Variants in RAB27B observed in about 807,000 individuals in gnomAD.
RAB27B encodes the protein RAB27B, member RAS oncogene family.
A neutral mutation model predicts 24.6 loss-of-function variants in RAB27B; 15 were observed. That is an observed-to-expected ratio of 0.61 (90% CI 0.41 to 0.94). The LOEUF is 0.94. RAB27B is among the 40% of genes least tolerant of loss of function. RAB27B has a pLI of 0.00. For synonymous variants in RAB27B, 105 were observed against 92.5 expected, an observed-to-expected ratio of 1.14 and a Z score of -0.78; for missense variants, 261 against 266.8, an observed-to-expected ratio of 0.98 and a Z score of 0.15.
intron 2 of RAB27B, among the ~76,000 whole-genome samples, chr18:54,779,379 A>G (rs1598898016): frequency 6.6e-6 from 1 of 152,310 alleles, no homozygotes; most frequent in East Asian, 1.9e-4. Flanking sequence ...TGGAAAAAAT[A>G]CGAAGTCACT....
At chr18:54,809,507 C>A (rs1010809840) in intron 2 of RAB27B, among the ~76,000 whole-genome samples, 1 of 152,126 alleles carries the variant, frequency 6.6e-6, no homozygotes. Context: ...GACTAGGTCA[C>A]CTAAGTTGCA....
chr18:54,762,493 C>G (rs1006657934), intron 2 of RAB27B, among the ~76,000 whole-genome samples: 1 of 152,158 alleles, frequency 6.6e-6, no homozygotes, highest in African/African-American at 2.4e-5. Flanking sequence ...AACTTTATTT[C>G]CTCCTACTCC....
At chr18:54,758,577 T>G (rs1486267866) in intron 2 of RAB27B, among the ~76,000 whole-genome samples, 2 of 151,424 alleles carry the variant, frequency 1.3e-5, no homozygotes, top group African/African-American at 4.9e-5. Context: ...TTTTAAAGGT[T>G]GTGCAGTTGG....
chr18:54,813,368 C>A (rs898836940), intron 2 of RAB27B, among the ~76,000 whole-genome samples: 1 of 152,202 alleles, frequency 6.6e-6, no homozygotes, highest in African/African-American at 2.4e-5. Flanking sequence ...TTGTCCCCTC[C>A]AAATCTCATG....
At chr18:54,732,780 C>G (rs1475227339) in intron 2 of RAB27B, among the ~76,000 whole-genome samples, 1 of 152,104 alleles carries the variant, frequency 6.6e-6, no homozygotes, top group Non-Finnish European at 1.5e-5. Context: ...TTCTGTTCCA[C>G]CAGACAAAAG....
intron 1 of RAB27B, among the ~76,000 whole-genome samples, chr18:54,867,345 T>C (rs1202969567): frequency 1.3e-5 from 2 of 152,070 alleles, no homozygotes; most frequent in Non-Finnish European, 2.9e-5. Flanking sequence ...AGAGTGGTAC[T>C]GAACAATAGC....
chr18:54,812,112 G>T (rs547255728), intron 2 of RAB27B, among the ~76,000 whole-genome samples: 1 of 152,114 alleles, frequency 6.6e-6, no homozygotes, highest in Non-Finnish European at 1.5e-5. Flanking sequence ...TCTTGCTATT[G>T]TCTTTATGAA....
chr18:54,792,194 T>G (rs1185907843), intron 2 of RAB27B, among the ~76,000 whole-genome samples: 1 of 152,166 alleles, frequency 6.6e-6, no homozygotes, highest in East Asian at 1.9e-4. Context: ...CATTCACCCC[T>G]AGGCACTGCC....
chr18:54,757,311 T>A (rs1908036663), intron 2 of RAB27B, among the ~76,000 whole-genome samples: 1 of 152,192 alleles, frequency 6.6e-6, no homozygotes, highest in South Asian at 2.1e-4. Flanking sequence ...AAATTTGAGC[T>A]CTTGAGGGCT....
intron 1 of RAB27B, among the ~76,000 whole-genome samples, chr18:54,844,532 G>A (rs1171647401): frequency 3.3e-5 from 5 of 149,782 alleles, no homozygotes; most frequent in African/African-American, 7.4e-5. Context: ...TCACCCTCCC[G>A]AGTAGCTGGG....
chr18:54,848,340 A>C (rs910451171), intron 1 of RAB27B, among the ~76,000 whole-genome samples: 3 of 152,212 alleles, frequency 2.0e-5, no homozygotes, highest in African/African-American at 7.2e-5. Context: ...TTTTTGCACT[A>C]TAGAGATTTT....
intron 2 of RAB27B, among the ~76,000 whole-genome samples, chr18:54,795,958 CAT>C (rs1464109275): frequency 4.6e-5 from 7 of 152,106 alleles, no homozygotes; most frequent in African/African-American, 1.7e-4. Flanking sequence ...AGTATTGAAA[CAT>C]GTATACACCC....
At chr18:54,744,111 G>T (rs7238382) in intron 2 of RAB27B, among the ~76,000 whole-genome samples, 8,499 of 152,188 alleles carry the variant, frequency 0.056, 299 homozygotes, top group Admixed American at 0.085. Flanking sequence ...AATGTTATAT[G>T]AAGAAGATAG....
rs1197970568 is a variant in RAB27B, at chr18:54,890,133, T to C, written c.*720T>C. 2.0e-5 allele frequency: 3 copies of C among 152,048 alleles called. No homozygotes were observed. Among genetic ancestry groups the C allele is most frequent in the Non-Finnish European group, 2.9e-5 (2 of 67,978 alleles). The allele number at this position is 152,048 out of a possible 1,614,324, so 9.4% of individuals were successfully genotyped here. ...GGAAAAAAAATGAAAGTATGAGAAA[T>C]TGGCATTTCTACAGCTGAAATTCAA... On this transcript the variant is annotated 3_prime_UTR_variant, in exon 6 of 6. Coordinates refer to ENST00000262094, the MANE Select transcript of RAB27B (RefSeq NM_004163.4).
chr18:54,868,646 G>A (rs1009252312), intron 1 of RAB27B, among the ~76,000 whole-genome samples: 8 of 151,422 alleles, frequency 5.3e-5, no homozygotes, highest in South Asian at 2.1e-4. Context: ...TTTTTGAGAC[G>A]GAGTTTCTGT....
chr18:54,754,923 A>C (rs1310127463), intron 2 of RAB27B, among the ~76,000 whole-genome samples: 1 of 152,162 alleles, frequency 6.6e-6, no homozygotes, highest in Non-Finnish European at 1.5e-5. Flanking sequence ...TTGATTTTAA[A>C]ATGGTGTCAA....
rs184486105 is a variant in RAB27B, at chr18:54,838,880, T to C, written c.-20+10180T>C. On this transcript the variant is annotated intron_variant, in intron 1 of 5. Transcript: ENST00000262094. ...CTTCTATGTTATCTCCATCTGTAAA[T>C]TGATCAACCTTTCACATTATTTTGG... Among the ~76,000 whole-genome samples, 3 of 152,298 alleles carry C rather than the reference T, an allele frequency of 2.0e-5. No individual in the cohort carries two copies. In the East Asian group the frequency reaches 5.8e-4, roughly 29 times the overall value.
At chr18:54,771,334 T>C (rs755144328) in intron 2 of RAB27B, among the ~76,000 whole-genome samples, 15 of 152,156 alleles carry the variant, frequency 9.9e-5, no homozygotes, top group Non-Finnish European at 1.5e-4. Context: ...AGAACTTGTG[T>C]GGAAGTTGAA....
intron 2 of RAB27B, among the ~76,000 whole-genome samples, chr18:54,724,083 A>G (rs1219399922): frequency 6.9e-6 from 1 of 144,224 alleles, no homozygotes; most frequent in African/African-American, 2.5e-5. Flanking sequence ...AGTGGTGAGG[A>G]GTATCACGTG....
Sources: gnomAD v4.1 joint callset for allele counts (sites outside exome capture counted in the v4.1 genomes callset) on GRCh38, gnomAD v4.1.1 for gene constraint, MANE v1.5 for transcripts, NCBI Gene and HGNC (gene_info 2026-07-23, HGNC 2026-07-21) for gene names.